The following PLEKHF2 variants were observed in gnomAD, a reference collection of about 807,000 sequenced individuals.
PLEKHF2 encodes pleckstrin homology domain-containing family F member 2.
PLEKHF2 carries 4 observed loss-of-function variants against 14.7 expected under a neutral mutation model. The observed-to-expected ratio is 0.27, with a 90% CI of 0.13 to 0.62. The LOEUF (loss-of-function observed/expected upper bound fraction) is 0.62. Among genes scored for constraint, PLEKHF2 ranks in the 20% least tolerant of loss-of-function variants. PLEKHF2 has a pLI of 0.85. For missense variants in PLEKHF2, 201 were observed against 307.7 expected, an observed-to-expected ratio of 0.65 and a Z score of 2.60; for synonymous variants, 90 against 103.5, an observed-to-expected ratio of 0.87 and a Z score of 0.79.
intron 1 of PLEKHF2, among the ~76,000 whole-genome samples, chr8:95,136,333 T>TACACACAC (rs34457137): frequency 1.3e-4 from 16 of 123,932 alleles, no homozygotes; most frequent in Non-Finnish European, 2.5e-4. Flanking sequence ...TTATTATATA[T>TACACACAC]ACACACACAC....
rs1166905702 is a variant in PLEKHF2, at chr8:95,154,555, C to T, written c.511C>T (p.Arg171Cys). The T allele has an allele frequency of 2.5e-6, 4 of 1,614,138 alleles. No individual in the cohort carries two copies. The highest frequency in any genetic ancestry group is 2.2e-5 in the South Asian group (2 of 91,084). ...CQKAKFTPVN[R>C]RHHCRKCGFV... ...GAAAGCAAAATTCACACCTGTTAAT[C>T]GTCGCCACCATTGCCGCAAATGTGG... The change falls in exon 2 of 2, where the codon CGT becomes TGT. Residue 171 changes from arginine to cysteine, a missense_variant. By Grantham distance (180) the Arg-to-Cys change is radical. Transcript: ENST00000315367. This position sits in a 1 kb window ranked among gnomAD's most constrained non-coding sequence, Gnocchi z 5.6.
chr8:95,149,022 A>C (rs1810531011), intron 1 of PLEKHF2, among the ~76,000 whole-genome samples: 1 of 145,890 alleles, frequency 6.9e-6, no homozygotes, highest in Non-Finnish European at 1.5e-5. Context: ...CTAGGAAAAC[A>C]AAAAAAAAGG....
intron 1 of PLEKHF2, among the ~76,000 whole-genome samples, chr8:95,135,886 G>A (rs1026487325): frequency 1.3e-5 from 2 of 152,026 alleles, no homozygotes; most frequent in Admixed American, 6.6e-5. Flanking sequence ...TAGTTCTTCA[G>A]TATAAATACT....
chr8:95,145,531 C>T lies in PLEKHF2; in HGVS notation c.-14-8500C>T, dbSNP rs538358277. On this transcript the variant is annotated intron_variant, in intron 1 of 1. Coordinates refer to ENST00000315367, the MANE Select transcript of PLEKHF2 (RefSeq NM_024613.4). ...CTCCACTTCTCGGGTTCAAGCCATT[C>T]TCCTGCCTCAGCCTCCCGAGTAGCT... Among the ~76,000 whole-genome samples the T allele has an allele frequency of 1.4e-4, 21 of 151,938 alleles. No individual in the cohort carries two copies. The South Asian group carries it at 2.9e-3, about 21-fold the overall frequency.
chr8:95,135,864 C>T (rs1810369117), intron 1 of PLEKHF2, among the ~76,000 whole-genome samples: 1 of 152,086 alleles, frequency 6.6e-6, no homozygotes, highest in Non-Finnish European at 1.5e-5. Context: ...TATCACTGCT[C>T]TGACTTGAAT....
chr8:95,136,331 T>TACACACACAC (rs1490601825), intron 1 of PLEKHF2, among the ~76,000 whole-genome samples: 6 of 107,734 alleles, frequency 5.6e-5, no homozygotes, highest in African/African-American at 2.0e-4. Context: ...TTTTATTATA[T>TACACACACAC]ATACACACAC....
chr8:95,138,361 C>A lies in PLEKHF2; in HGVS notation c.-15+4331C>A, dbSNP rs953781260. 1.1e-4 allele frequency among the ~76,000 whole-genome samples: 10 copies of A among 87,512 alleles called. No homozygotes were observed. In the East Asian group the frequency reaches 3.9e-3, roughly 34 times the overall value. The allele number at this position is 87,512 out of a possible 152,430, so 57.4% of individuals were successfully genotyped here. On this transcript the variant is annotated intron_variant, in intron 1 of 1. Coordinates refer to ENST00000315367, the MANE Select transcript of PLEKHF2 (RefSeq NM_024613.4). ...CACCAACTTCTTCATCTTCCCCCCC[C>A]CCCCGCCCCTTTTTCAGAAGTGGAA...
intron 1 of PLEKHF2, among the ~76,000 whole-genome samples, chr8:95,140,117 G>T (rs1447048249): frequency 6.6e-6 from 1 of 152,136 alleles, no homozygotes; most frequent in Non-Finnish European, 1.5e-5. Context: ...TGTTTGTCTT[G>T]TGGATGCCCT....
At chr8:95,149,287 G>A (rs1810533449) in intron 1 of PLEKHF2, among the ~76,000 whole-genome samples, 1 of 151,984 alleles carries the variant, frequency 6.6e-6, no homozygotes, top group African/African-American at 2.4e-5. Context: ...AGGCCTTTTT[G>A]TACTACTCAG....
intron 1 of PLEKHF2, among the ~76,000 whole-genome samples, chr8:95,143,822 G>A (rs1404792629): frequency 6.6e-6 from 1 of 152,170 alleles, no homozygotes; most frequent in Non-Finnish European, 1.5e-5. Flanking sequence ...GATTCTGTTG[G>A]CCAAGGAATC....
intron 1 of PLEKHF2, among the ~76,000 whole-genome samples, chr8:95,142,394 A>G (rs2132106597): frequency 6.6e-6 from 1 of 152,180 alleles, no homozygotes; most frequent in African/African-American, 2.4e-5. Flanking sequence ...AGCTGGGACC[A>G]CAAGTGCACA....
chr8:95,144,867 G>GAAAAAAAAAAAAAAAAAACAAAAAAAAA (rs35770837), intron 1 of PLEKHF2, among the ~76,000 whole-genome samples: 1 of 65,110 alleles, frequency 1.5e-5, no homozygotes, highest in Non-Finnish European at 3.1e-5. Flanking sequence ...TCTGTCTCAA[G>GAAAAAAAAAAAAAAAAAACAAAAAAAAA]AAAAAAAAAA....
chr8:95,152,397 G>T (rs1289180512), intron 1 of PLEKHF2, among the ~76,000 whole-genome samples: 4 of 151,960 alleles, frequency 2.6e-5, no homozygotes, highest in African/African-American at 4.8e-5. Context: ...GTGTACAAGG[G>T]TACCTATTTC....
In PLEKHF2 at chr8:95,154,167, A is replaced by G. The variant is rs1466597029; in HGVS notation, c.123A>G (p.Val41=). 13 of 1,613,892 alleles carry G rather than the reference A, an allele frequency of 8.1e-6. No individual in the cohort carries two copies. The Admixed American group carries it at 1.7e-4, about 21-fold the overall frequency. The change falls in exon 2 of 2, where the codon GTA becomes GTG. Residue 41 remains valine, a synonymous_variant. Transcript: ENST00000315367. The surrounding 1 kb of genome is among the most constrained non-coding windows in gnomAD (Gnocchi z 5.6). The part of the protein sequence containing the change: ...IPGRVLIGEG[V]LTKLCRKKPK... ...GACGAGTTCTTATTGGAGAAGGAGT[A>G]TTGACTAAGTTGTGCAGGAAAAAGC...
At chr8:95,149,142 G>A (rs1810532195) in intron 1 of PLEKHF2, among the ~76,000 whole-genome samples, 1 of 152,084 alleles carries the variant, frequency 6.6e-6, no homozygotes, top group African/African-American at 2.4e-5. Context: ...GACCTCATTA[G>A]GTAGCTACGG....
At chr8:95,141,345 TC>T (rs1810436451) in intron 1 of PLEKHF2, among the ~76,000 whole-genome samples, 1 of 152,214 alleles carries the variant, frequency 6.6e-6, no homozygotes, top group African/African-American at 2.4e-5. Flanking sequence ...TTCAGTCTCT[TC>T]CTTCTCAATT....
At chr8:95,149,752 C>G (rs756778703) in intron 1 of PLEKHF2, among the ~76,000 whole-genome samples, 8 of 152,162 alleles carry the variant, frequency 5.3e-5, no homozygotes, top group Non-Finnish European at 8.8e-5. Flanking sequence ...AAAGCTTTCT[C>G]TTAGTTCTTC....
chr8:95,137,481 A>G (rs2132104142), intron 1 of PLEKHF2, among the ~76,000 whole-genome samples: 1 of 152,336 alleles, frequency 6.6e-6, no homozygotes, highest in Admixed American at 6.5e-5. Context: ...GGGACAGAAC[A>G]AAGGTAATTT....
chr8:95,145,170 T>G (rs1810483630), intron 1 of PLEKHF2, among the ~76,000 whole-genome samples: 1 of 152,190 alleles, frequency 6.6e-6, no homozygotes, highest in Non-Finnish European at 1.5e-5. Context: ...GACCTCTCTC[T>G]AAATGTGAAT....
Sources: gnomAD v4.1 joint callset for allele counts (sites outside exome capture counted in the v4.1 genomes callset) on GRCh38, gnomAD v4.1.1 for gene constraint, Gnocchi (gnomAD v3.1) non-coding constraint, MANE v1.5 for transcripts, NCBI Gene and HGNC (gene_info 2026-07-23, HGNC 2026-07-21) for gene names.